The following PITPNM2 variants were observed in gnomAD, a reference collection of about 807,000 sequenced individuals.
PITPNM2 encodes the protein membrane-associated phosphatidylinositol transfer protein 2.
In PITPNM2, 35 loss-of-function variants were observed where a neutral mutation model predicts 132.2. The observed-to-expected ratio is 0.26, with a 90% confidence interval of 0.20 to 0.35. The LOEUF (loss-of-function observed/expected upper bound fraction) is 0.35. Among genes scored for constraint, PITPNM2 ranks in the 10% least tolerant of loss-of-function variants. The pLI, the probability that PITPNM2 is intolerant of heterozygous loss-of-function variation, is 1.00. For synonymous variants in PITPNM2, 738 were observed against 799.2 expected (o/e 0.92, Z 1.29); for missense variants, 1,332 against 1,912.0 (o/e 0.70, Z 5.66).
intron 3 of PITPNM2, among the ~76,000 whole-genome samples, chr12:123,034,023 C>T (rs1405278573): frequency 1.3e-5 from 2 of 152,228 alleles, no homozygotes; most frequent in African/African-American, 4.8e-5. Flanking sequence ...CCTGCTCACT[C>T]TCTGCCATGT....
chr12:123,137,615 G>A (rs2043409111), intron 1 of PITPNM2, among the ~76,000 whole-genome samples: 1 of 152,156 alleles, frequency 6.6e-6, no homozygotes, highest in Non-Finnish European at 1.5e-5. Flanking sequence ...TCTCGTGGCT[G>A]GGTGCAGTAG....
At chr12:123,134,236 T>C (rs1160259177) in intron 1 of PITPNM2, among the ~76,000 whole-genome samples, 1 of 152,114 alleles carries the variant, frequency 6.6e-6, no homozygotes, top group Non-Finnish European at 1.5e-5. Context: ...CCTAATTTTT[T>C]GTATTTTTAG....
At chr12:122,997,229 G>T in intron 11 of PITPNM2, 96 bp downstream of exon 11, 1 of 1,551,444 alleles carries the variant, frequency 6.4e-7, no homozygotes. Context: ...GGACATCGGG[G>T]CAGGAGTCCT....
At chr12:123,028,187 C>T (rs1367530169) in intron 3 of PITPNM2, among the ~76,000 whole-genome samples, 1 of 152,212 alleles carries the variant, frequency 6.6e-6, no homozygotes, top group Admixed American at 6.5e-5. Flanking sequence ...GGCACACATT[C>T]GCTGAACACC....
intron 2 of PITPNM2, among the ~76,000 whole-genome samples, chr12:123,039,230 G>T (rs1159696483): frequency 2.0e-5 from 3 of 152,066 alleles, no homozygotes; most frequent in Non-Finnish European, 2.9e-5. Context: ...CTGCACTCCA[G>T]CCTGAATCAC....
At chr12:122,989,666 C>T in intron 18 of PITPNM2, 121 bp downstream of exon 18, 1 of 1,025,750 alleles carries the variant, frequency 9.7e-7, no homozygotes. Context: ...CCAAGTCCTC[C>T]CAGCCCAGCC....
At position 122,988,699 on chromosome 12, in the gene PITPNM2, C is replaced by T; in HGVS notation, c.2880+25G>A. On this transcript the variant is annotated intron_variant, in intron 19 of 25. Coordinates refer to ENST00000320201, the MANE Select transcript of PITPNM2 (RefSeq NM_020845.3). ...ATGGGTGTTGTCACTCAGGGCCCTC[C>T]TGGGAGGTCCCAGGCCCCGGGTACC... 3 of 1,547,072 alleles carry T rather than the reference C, an allele frequency of 1.9e-6. No individual in the cohort carries two copies. The South Asian group carries it at 3.6e-5, about 19-fold the overall frequency.
chr12:123,111,643 T>C lies in PITPNM2; in HGVS notation c.-199-1155A>G, dbSNP rs2042836303. On this transcript the variant is annotated intron_variant, in intron 1 of 25. Coordinates refer to ENST00000320201, the MANE Select transcript of PITPNM2 (RefSeq NM_020845.3). The surrounding 1 kb of genome is among the most constrained non-coding windows in gnomAD (Gnocchi z 4.1). ...TTCCAACCCCGCCACCGCCACCGCG[T>C]CCTGCATGCCCACCCCCGTGCAGGC... Among the ~76,000 whole-genome samples, 1 of 152,180 alleles carries C rather than the reference T, an allele frequency of 6.6e-6. No individual in the cohort carries two copies. The highest frequency in any genetic ancestry group is 2.1e-4 in the South Asian group (1 of 4,832).
chr12:123,001,940 C>A (rs1419426905), intron 8 of PITPNM2, among the ~76,000 whole-genome samples: 4 of 142,246 alleles, frequency 2.8e-5, no homozygotes, highest in East Asian at 2.1e-4. Flanking sequence ...CTGAGGCAGG[C>A]GAATTACTTG....
At chr12:123,110,785 T>A (rs2042819114) in intron 1 of PITPNM2, among the ~76,000 whole-genome samples, 1 of 152,112 alleles carries the variant, frequency 6.6e-6, no homozygotes, top group African/African-American at 2.4e-5. Context: ...GCCATCCTAT[T>A]TTCAAAGGCC....
At chr12:123,019,577 G>A (rs929600089) in intron 3 of PITPNM2, among the ~76,000 whole-genome samples, 3 of 152,192 alleles carry the variant, frequency 2.0e-5, no homozygotes, top group African/African-American at 7.2e-5. Context: ...CTCTGAGAAT[G>A]AGCAAGCGCT....
chr12:123,011,151 G>A (rs1187332717), intron 5 of PITPNM2, among the ~76,000 whole-genome samples: 2 of 152,246 alleles, frequency 1.3e-5, no homozygotes, highest in African/African-American at 2.4e-5. Flanking sequence ...CCAGTAAAGG[G>A]TTTGTGGCTC....
In PITPNM2 at chr12:123,083,884, CCT is replaced by C. The variant is rs1182018990; in HGVS notation, c.-96+26499_-96+26500del. The C allele has an allele frequency of 2.0e-5, 3 of 152,262 alleles. No individual in the cohort carries two copies. The highest frequency in any genetic ancestry group is 7.2e-5 in the African/African-American group (3 of 41,454). The allele number at this position is 152,262 out of a possible 1,614,324, so 9.4% of individuals were successfully genotyped here. On this transcript the variant is annotated intron_variant, in intron 2 of 25. Transcript: ENST00000320201. The surrounding 1 kb of genome is among the most constrained non-coding windows in gnomAD (Gnocchi z 4.5). ...GTCCTGCCAGGCTATTTATAGCCTCCCTCTCTCTGAAAACTCCTTCACCCATT... is the reference window on the plus strand; with the variant it reads ...GTCCTGCCAGGCTATTTATAGCCTCCCTCTCTGAAAACTCCTTCACCCATT...
At chr12:122,988,031 A>T in intron 20 of PITPNM2, 130 bp from the exon 21 acceptor site, 1 of 943,966 alleles carries the variant, frequency 1.1e-6, no homozygotes, top group Non-Finnish European at 1.6e-6. Context: ...CTGAGTCTGG[A>T]TCAGACACGA....
chr12:122,984,717 C>G lies in PITPNM2; in HGVS notation c.*1310G>C, dbSNP rs1362434773. 6.6e-6 allele frequency: 1 copy of G among 152,256 alleles called. No individual in the cohort carries two copies. Among genetic ancestry groups the G allele is most frequent in the Non-Finnish European group, 1.5e-5 (1 of 68,056 alleles). The allele number at this position is 152,256 out of a possible 1,614,324, so 9.4% of individuals were successfully genotyped here. A position where few individuals can be genotyped will look rare whatever the true frequency, so the allele number is the denominator to read the frequency against. ...CGGCCGTAGCTTCTCGGGGACAGAG[C>G]CTGGTCGCTGGACAAAGGCCGAGGC... On this transcript the variant is annotated 3_prime_UTR_variant, in exon 26 of 26. Transcript: ENST00000320201.
rs1274603960 is a variant in PITPNM2 at position 123,031,842 on chromosome 12, A to G, written c.78+2671T>C. Reference sequence around the variant, plus strand: ...CGTGTGCACACATGCTTGCTCACCCAGAAGGTGCACAGGGAAAGGCTCTGG... The same window carrying G: ...CGTGTGCACACATGCTTGCTCACCCGGAAGGTGCACAGGGAAAGGCTCTGG... On this transcript the variant is annotated intron_variant, in intron 3 of 25. Transcript: ENST00000320201. The surrounding 1 kb of genome is among the most constrained non-coding windows in gnomAD (Gnocchi z 4.5). Among the ~76,000 whole-genome samples, 1 of 152,188 alleles carries G rather than the reference A, an allele frequency of 6.6e-6. No individual in the cohort carries two copies. The highest frequency in any genetic ancestry group is 1.5e-5 in the Non-Finnish European group (1 of 68,030).
In PITPNM2 at chr12:122,994,091, C is replaced by A. The variant is rs978848868; in HGVS notation, c.2233+710G>T. Among the ~76,000 whole-genome samples the A allele has an allele frequency of 1.6e-4, 24 of 148,250 alleles. No homozygotes were observed. The highest frequency in any genetic ancestry group is 3.1e-4 in the Non-Finnish European group (21 of 68,042). Reference sequence around the variant, plus strand: ...GTTTCTCCATGTTGGTCAGGCTGGTCTCAAACTCCTGACCTCAGCTGATCC... The same window carrying A: ...GTTTCTCCATGTTGGTCAGGCTGGTATCAAACTCCTGACCTCAGCTGATCC... On this transcript the variant is annotated intron_variant, in intron 15 of 25. Coordinates refer to ENST00000320201, the MANE Select transcript of PITPNM2 (RefSeq NM_020845.3). The surrounding 1 kb of genome is among the most constrained non-coding windows in gnomAD (Gnocchi z 5.4).
In PITPNM2 at chr12:123,150,807, G is replaced by T. The variant is rs1403592679; in HGVS notation, c.-254C>A. Among the ~76,000 whole-genome samples, 1 of 147,192 alleles carries T rather than the reference G, an allele frequency of 6.8e-6. No individual in the cohort carries two copies. Among genetic ancestry groups the T allele is most frequent in the East Asian group, 2.0e-4 (1 of 5,092 alleles). On this transcript the variant is annotated 5_prime_UTR_variant, in exon 1 of 26. Coordinates refer to ENST00000320201, the MANE Select transcript of PITPNM2 (RefSeq NM_020845.3). This position sits in a 1 kb window ranked among gnomAD's most constrained non-coding sequence, Gnocchi z 6.0. ...TCTTCGGGGCCCCGGCTGGGCCGCCGCCACCTCACGCCGCCTCACGGGGAG... is the reference window on the plus strand; with the variant it reads ...TCTTCGGGGCCCCGGCTGGGCCGCCTCCACCTCACGCCGCCTCACGGGGAG...
intron 3 of PITPNM2, 74 bp downstream of exon 3, chr12:123,034,439 T>C: frequency 7.1e-7 from 1 of 1,410,216 alleles, no homozygotes; most frequent in Non-Finnish European, 1.0e-6. Context: ...CAACTCCACC[T>C]AACCCACATG....
Sources: allele counts gnomAD v4.1 joint callset (sites outside exome capture counted in the v4.1 genomes callset), GRCh38; gene constraint gnomAD v4.1.1; non-coding constraint Gnocchi (gnomAD v3.1); transcripts MANE v1.5; gene names NCBI Gene and HGNC (gene_info 2026-07-23, HGNC 2026-07-21).